KRABD4: variants seen among roughly 807,000 people sequenced by gnomAD.
The protein encoded by KRABD4 is KRAB domain-containing protein 4.
chrX:46,473,547 C>G, the KRABD4 span: 14 of 582,692 alleles, frequency 2.4e-5, no homozygotes, highest in Non-Finnish European at 3.4e-5. Flanking sequence ...AATCAACTCT[C>G]ATTGTATGTC....
chrX:46,462,714 T>G, the KRABD4 span: 15 of 1,210,882 alleles, frequency 1.2e-5, no homozygotes, highest in Non-Finnish European at 1.7e-5. Context: ...CCCAGGCTGG[T>G]CCTGGGGTGC....
the KRABD4 span, among the ~76,000 whole-genome samples, chrX:46,450,130 A>C: frequency 9.0e-6 from 1 of 111,092 alleles, no homozygotes; most frequent in Admixed American, 9.6e-5. Flanking sequence ...ACATTTAGGA[A>C]TGTTTCATTA....
At chrX:46,448,605 G>A in the KRABD4 span, 4 of 113,356 alleles carry the variant, frequency 3.5e-5, no homozygotes, top group Non-Finnish European at 7.5e-5. Flanking sequence ...ATCGAGGACC[G>A]TGTGACAGTG....
chrX:46,469,455 T>G, the KRABD4 span, among the ~76,000 whole-genome samples: 20 of 112,115 alleles, frequency 1.8e-4, no homozygotes, highest in Non-Finnish European at 3.8e-4. Flanking sequence ...ATAAATGGGG[T>G]GTGTGTATGT....
chrX:46,469,991 TTGA>T, the KRABD4 span, among the ~76,000 whole-genome samples: 2 of 111,466 alleles, frequency 1.8e-5, no homozygotes, highest in East Asian at 2.8e-4. Context: ...TATGTAATTA[TTGA>T]TATTATTGGA....
chrX:46,455,483 AT>A, the KRABD4 span: 2 of 428,463 alleles, frequency 4.7e-6, no homozygotes, highest in Non-Finnish European at 4.3e-6. Flanking sequence ...TTAAATCTGT[AT>A]TTCTTCATAG....
At chrX:46,465,376 T>C in the KRABD4 span, among the ~76,000 whole-genome samples, 1 of 112,783 alleles carries the variant, frequency 8.9e-6, no homozygotes, top group Non-Finnish European at 1.9e-5. Flanking sequence ...GCTAAGAGCA[T>C]GGACTGTGGA....
At chrX:46,456,523 A>G in the KRABD4 span, 65 of 208,925 alleles carry the variant, frequency 3.1e-4, 1 homozygote, top group South Asian at 1.8e-3. Context: ...ATATCTTCCA[A>G]GTGAACATTG....
the KRABD4 span, among the ~76,000 whole-genome samples, chrX:46,467,559 AAAT>A: frequency 2.7e-5 from 3 of 110,449 alleles, no homozygotes; most frequent in Admixed American, 2.9e-4. Context: ...TGTCTCTCAA[AAAT>A]AATAATAATA....
the KRABD4 span, chrX:46,454,159 T>C: frequency 6.1e-6 from 1 of 165,060 alleles, no homozygotes. Context: ...TCTTCCTGCA[T>C]GGTGGTAAAG....
the KRABD4 span, chrX:46,474,389 A>G: frequency 9.0e-6 from 1 of 111,398 alleles, no homozygotes; most frequent in Non-Finnish European, 1.9e-5. Context: ...GTGAATAGAA[A>G]TGGGTTCTGA....
the KRABD4 span, chrX:46,457,187 C>T: frequency 3.9e-6 from 1 of 253,342 alleles, no homozygotes; most frequent in South Asian, 1.2e-4. Context: ...CCTTGTCAAA[C>T]TCCAATGTCA....
chrX:46,451,803 G>C, the KRABD4 span, among the ~76,000 whole-genome samples: 1 of 112,183 alleles, frequency 8.9e-6, no homozygotes, highest in African/African-American at 3.2e-5. Context: ...TTATAGACCA[G>C]TTTCCCTTAA....
the KRABD4 span, chrX:46,472,625 C>T: frequency 1.3e-6 from 1 of 743,623 alleles, no homozygotes; most frequent in Non-Finnish European, 2.0e-6. Context: ...GGGGAGGGTC[C>T]ATCCACATCA....
the KRABD4 span, among the ~76,000 whole-genome samples, chrX:46,467,937 A>G: frequency 9.0e-6 from 1 of 111,718 alleles, no homozygotes; most frequent in Non-Finnish European, 1.9e-5. Flanking sequence ...ATAAAGTCCA[A>G]TTTATTAAAT....
chrX:46,463,627 T>C, the KRABD4 span, among the ~76,000 whole-genome samples: 6 of 111,788 alleles, frequency 5.4e-5, no homozygotes, highest in Admixed American at 3.8e-4. Flanking sequence ...TTAAGACTTA[T>C]TCTCCCACCT....
the KRABD4 span, among the ~76,000 whole-genome samples, chrX:46,460,447 G>C: frequency 1.8e-5 from 2 of 109,065 alleles, no homozygotes; most frequent in Non-Finnish European, 3.8e-5. Context: ...GGGCAGGGGG[G>C]TGGATATTAC....
the KRABD4 span, among the ~76,000 whole-genome samples, chrX:46,469,400 A>G: frequency 2.7e-5 from 3 of 112,028 alleles, no homozygotes; most frequent in Admixed American, 9.5e-5. Context: ...TCTTGCACAT[A>G]TTTTGTTTAA....
the KRABD4 span, chrX:46,462,596 T>C: frequency 1.0e-6 from 1 of 986,066 alleles, no homozygotes; most frequent in Non-Finnish European, 1.4e-6. Context: ...CTGTGTGACC[T>C]GGGTTAGTTA....
Sources: allele counts gnomAD v4.1 joint callset (sites outside exome capture counted in the v4.1 genomes callset), GRCh38; gene constraint gnomAD v4.1.1; transcripts MANE v1.5; gene names NCBI Gene and HGNC (gene_info 2026-07-23, HGNC 2026-07-21).